TNNT2: variants seen among roughly 807,000 people sequenced by gnomAD.
TNNT2 encodes troponin T2, cardiac type, also known as troponin T, cardiac muscle.
Under a neutral mutation model 62.4 loss-of-function variants are expected in TNNT2, and 34 were observed. That is an observed-to-expected ratio of 0.54 (90% confidence interval 0.41 to 0.72). TNNT2 has a LOEUF of 0.72. TNNT2 is among the 30% of genes least tolerant of loss of function. TNNT2 has a pLI of 0.00. For missense variants in TNNT2, 275 were observed against 381.9 expected (o/e 0.72, Z 2.33); for synonymous variants, 123 against 127.2 (o/e 0.97, Z 0.22).
At chr1:201,373,130 G>A (rs1230753566) in intron 2 of TNNT2, 84 bp downstream of exon 2, 3 of 1,368,052 alleles carry the variant, frequency 2.2e-6, no homozygotes, top group Admixed American at 3.3e-5. Flanking sequence ...CAGAATCCGA[G>A]GGACAGCTGG....
Position 201,362,103 on chromosome 1 carries a change from G to A in TNNT2, c.610-81C>T, listed in dbSNP as rs28730745. ...AACCCTCCCCAAACCCCCTGGGGGT[G>A]GAGCAAGGCCTGCAGGAGGGCCAGG... On this transcript the variant is annotated intron_variant, in intron 13 of 16. Coordinates refer to ENST00000656932, the MANE Select transcript of TNNT2 (RefSeq NM_001276345.2). 9.5e-3 allele frequency: 14,218 copies of A among 1,492,150 alleles called. 119 individuals are homozygous for A. Among genetic ancestry groups the A allele is most frequent in the Non-Finnish European group, 0.011 (11,882 of 1,069,434 alleles). The allele number at this position is 1,492,150 out of a possible 1,614,324, so 92.4% of individuals were successfully genotyped here.
chr1:201,365,660 G>T lies in TNNT2; in HGVS notation c.244C>A (p.Pro82Thr). ...GGGATCTTGGGAGGCACCAAGTTGG[G>T]CATGAACGACCTGTTGGAGAGAGGA... ...ESKPKPRSFMPNLVPPKIPDG... is the reference protein window; with the variant it reads ...ESKPKPRSFMTNLVPPKIPDG... Residue 82 changes from proline (P) to threonine (T), a missense_variant, in exon 9 of 17, where the codon CCC (proline) becomes ACC (threonine). Pro to Thr is a conservative substitution (Grantham distance 38). Coordinates refer to ENST00000656932, the MANE Select transcript of TNNT2 (RefSeq NM_001276345.2). The T allele has an allele frequency of 6.2e-7, 1 of 1,613,930 alleles. No homozygotes were observed. The highest frequency in any genetic ancestry group is 8.5e-7 in the Non-Finnish European group (1 of 1,179,948).
At chr1:201,361,415 C>A (rs767640147) in intron 14 of TNNT2, 46 bp from the exon 15 acceptor site, 1 of 1,521,820 alleles carries the variant, frequency 6.6e-7, no homozygotes, top group Admixed American at 1.7e-5. Context: ...AAGAAAGGGC[C>A]CTCCTGGGCC....
chr1:201,360,999 GC>G (rs1658518127), intron 15 of TNNT2: 4 of 487,172 alleles, frequency 8.2e-6, no homozygotes, highest in Non-Finnish European at 1.5e-5. Context: ...AGATCACTGA[GC>G]TGCTGCCTCA....
intron 13 of TNNT2, 78 bp from the exon 14 acceptor site, chr1:201,362,100 G>C: frequency 4.0e-6 from 6 of 1,498,018 alleles, no homozygotes; most frequent in Non-Finnish European, 5.6e-6. Flanking sequence ...ACCCCCTGGG[G>C]GTGGAGCAAG....
intron 8 of TNNT2, chr1:201,366,253 C>A: frequency 9.8e-7 from 1 of 1,017,318 alleles, no homozygotes; most frequent in Non-Finnish European, 1.2e-6. Flanking sequence ...GGGCTGGTTT[C>A]AGAAGGCCCC....
intron 12 of TNNT2, 147 bp from the exon 13 acceptor site, chr1:201,362,541 A>G: frequency 9.8e-7 from 1 of 1,025,342 alleles, no homozygotes; most frequent in Non-Finnish European, 1.4e-6. Context: ...GTTTACTAGG[A>G]CGTGGGTCTG....
At chr1:201,369,472 C>T (rs563614666) in intron 5 of TNNT2, 15 of 488,694 alleles carry the variant, frequency 3.1e-5, no homozygotes, top group South Asian at 1.4e-4. Flanking sequence ...CTGGGGTGTG[C>T]GCGGGGGCAG....
rs751150769 is a variant in TNNT2, at chr1:201,366,887, G to C, written c.200-16C>G. On this transcript the variant is annotated splice_polypyrimidine_tract_variant and intron_variant, in intron 7 of 16. Coordinates refer to ENST00000656932, the MANE Select transcript of TNNT2 (RefSeq NM_001276345.2). The stretch of plus-strand genomic sequence containing the variant: ...ATTGGGCCATCTGGAGGAGATAGAA[G>C]CACACAGCCATGGGTCAGGGGGCCC... 56 of 1,614,136 alleles carry C rather than the reference G, an allele frequency of 3.5e-5. 1 individual carries two copies. The South Asian group carries it at 6.0e-4, about 17-fold the overall frequency.
intron 16 of TNNT2, 71 bp from the exon 17 acceptor site, chr1:201,359,326 G>C: frequency 1.3e-6 from 2 of 1,562,884 alleles, no homozygotes; most frequent in Non-Finnish European, 1.7e-6. Context: ...GGCTGGGGTA[G>C]GACTGGGGTG....
At chr1:201,365,120 G>C in intron 10 of TNNT2, 71 bp downstream of exon 10, 1 of 1,310,070 alleles carries the variant, frequency 7.6e-7, no homozygotes, top group Admixed American at 1.7e-5. Flanking sequence ...GGAGGAGGTG[G>C]GGCCTCACAA....
chr1:201,376,506 T>TGGGGAGAGGGC (rs1000341399), intron 1 of TNNT2, among the ~76,000 whole-genome samples: 6 of 151,734 alleles, frequency 4.0e-5, no homozygotes, highest in Non-Finnish European at 8.8e-5. Flanking sequence ...GGTAAGGGGA[T>TGGGGAGAGGGC]GGGGAGAGGG....
rs1658099994 is a variant in TNNT2 at position 201,359,095 on chromosome 1, C to G, written c.*115G>C. The G allele has an allele frequency of 1.7e-5, 24 of 1,385,536 alleles. No individual in the cohort carries two copies. Among genetic ancestry groups the G allele is most frequent in the Non-Finnish European group, 2.4e-5 (24 of 997,466 alleles). The allele number at this position is 1,385,536 out of a possible 1,614,324, so 85.8% of individuals were successfully genotyped here. ...GTGGTGGCTCCCACCTAGGCCAGCT[C>G]CCCATTTCCAAACAGGAGCTGCCTG... On this transcript the variant is annotated 3_prime_UTR_variant, in exon 17 of 17. Transcript: ENST00000656932.
At chr1:201,361,392 G>T (rs1354934844) in intron 14 of TNNT2, 23 bp from the exon 15 acceptor site, 1 of 1,608,242 alleles carries the variant, frequency 6.2e-7, no homozygotes, top group East Asian at 2.2e-5. Context: ...GGGTGAGAAT[G>T]GGGAGGTCCA....
At chr1:201,359,787 A>G in intron 15 of TNNT2, 124 bp from the exon 16 acceptor site, 3 of 852,732 alleles carry the variant, frequency 3.5e-6, no homozygotes, top group South Asian at 2.9e-5. Flanking sequence ...AGGAGCATGG[A>G]AGAGTAGGAG....
At chr1:201,367,609 A>G (rs1347335078) in intron 7 of TNNT2, 162 bp downstream of exon 7, 1 of 821,732 alleles carries the variant, frequency 1.2e-6, no homozygotes, top group Non-Finnish European at 2.1e-6. Context: ...TGAAAGCTCA[A>G]CATCTAAAAC....
Position 201,368,431 on chromosome 1 carries a change from A to T in TNNT2, c.98-204T>A, listed in dbSNP as rs1257829876. 6 of 649,438 alleles carry T rather than the reference A, an allele frequency of 9.2e-6. 1 individual carries two copies. The highest frequency in any genetic ancestry group is 9.1e-5 in the South Asian group (6 of 66,298). 40.2% of individuals were successfully genotyped at this position (649,438 alleles called of 1,614,324 possible). On this transcript the variant is annotated intron_variant, in intron 5 of 16. Coordinates refer to ENST00000656932, the MANE Select transcript of TNNT2 (RefSeq NM_001276345.2). ...ACCTCCCGCCACCCAGCTTAGCCCC[A>T]CTCATCCCGGCAACCTCCCTGATGA... is the stretch of plus-strand genomic sequence containing the variant.
At chr1:201,373,058 G>A (rs775141983) in intron 2 of TNNT2, 156 bp downstream of exon 2, 6 of 795,246 alleles carry the variant, frequency 7.5e-6, no homozygotes, top group Middle Eastern at 2.3e-4. Flanking sequence ...GGGTACAGGA[G>A]TGGAAAGGAA....
chr1:201,372,297 G>C (rs1660749596), intron 2 of TNNT2, 142 bp from the exon 3 acceptor site: 2 of 1,227,730 alleles, frequency 1.6e-6, no homozygotes, highest in South Asian at 2.6e-5. Context: ...AGTCCACGCT[G>C]CCCTGCCCAC....
Sources: allele counts gnomAD v4.1 joint callset (sites outside exome capture counted in the v4.1 genomes callset), GRCh38; gene constraint gnomAD v4.1.1; transcripts MANE v1.5; gene names NCBI Gene and HGNC (gene_info 2026-07-23, HGNC 2026-07-21).